PHEX: variants seen among roughly 807,000 people sequenced by gnomAD.
PHEX encodes phosphate-regulating neutral endopeptidase PHEX.
Under a neutral mutation model 68.0 loss-of-function variants are expected in PHEX, and 16 were observed. That is an observed-to-expected ratio of 0.24 (90% CI 0.16 to 0.36). The LOEUF (loss-of-function observed/expected upper bound fraction) is 0.36. Ranked by LOEUF, PHEX falls within the 10% of genes least tolerant of loss-of-function variation. The probability of loss-of-function intolerance (pLI) is 1.00; values close to 1 mark genes in which losing one functional copy is unlikely to be tolerated. For synonymous variants in PHEX, 208 were observed against 205.1 expected (o/e 1.01, Z -0.12); for missense variants, 480 against 575.5 (o/e 0.83, Z 1.70).
At chrX:22,198,279 A>T (rs72620288) in intron 15 of PHEX, among the ~76,000 whole-genome samples, 3 of 68,839 alleles carry the variant, frequency 4.4e-5, no homozygotes, top group East Asian at 4.8e-4. Context: ...TATATATATA[A>T]AATGCTTGGT....
At chrX:22,237,298 G>A (rs1396432975) in intron 20 of PHEX, among the ~76,000 whole-genome samples, 3 of 111,850 alleles carry the variant, frequency 2.7e-5, no homozygotes, top group Non-Finnish European at 5.6e-5. Context: ...GAAATCAAGG[G>A]ATCGCATTAC....
intron 14 of PHEX, among the ~76,000 whole-genome samples, chrX:22,187,807 T>C (rs1934076692): frequency 8.9e-6 from 1 of 111,750 alleles, no homozygotes; most frequent in Non-Finnish European, 1.9e-5. Context: ...TATGTCTAGG[T>C]TTCGGTTTTG....
At chrX:22,084,539 G>GTT (rs76410908) in intron 5 of PHEX, among the ~76,000 whole-genome samples, 4 of 75,815 alleles carry the variant, frequency 5.3e-5, no homozygotes, top group East Asian at 4.2e-4. Context: ...CTTCTCTTCA[G>GTT]TTTTTTTTTT....
chrX:22,121,995 T>G (rs1175298839), intron 11 of PHEX, among the ~76,000 whole-genome samples: 1 of 111,936 alleles, frequency 8.9e-6, no homozygotes, highest in Non-Finnish European at 1.9e-5. Context: ...GTTCACCTCA[T>G]TAGTGAGCTA....
At position 22,098,417 on chromosome X, in the gene PHEX, A is replaced by G. The variant is rs370162563; in HGVS notation, c.934-589A>G. ...GAGGGGGCCAAGGGAGTGAGGGTGC[A>G]TATTACTGTGTTAGTGTGTGTGTGG... On this transcript the variant is annotated intron_variant, in intron 8 of 21. Coordinates refer to ENST00000379374, the MANE Select transcript of PHEX (RefSeq NM_000444.6). Among the ~76,000 whole-genome samples the G allele has an allele frequency of 2.8e-5, 3 of 107,907 alleles. No individual in the cohort carries two copies. In the East Asian group the frequency reaches 8.8e-4, roughly 32 times the overall value. 93.7% of individuals were successfully genotyped at this position (107,907 alleles called of 115,157 possible).
chrX:22,236,558 G>GA (rs1484851744), intron 20 of PHEX, among the ~76,000 whole-genome samples: 1 of 113,065 alleles, frequency 8.8e-6, no homozygotes, highest in East Asian at 2.8e-4. Flanking sequence ...CTAGAGTTGG[G>GA]ATTGGCAAAC....
chrX:22,135,012 T>A (rs1932171206), intron 12 of PHEX, among the ~76,000 whole-genome samples: 1 of 112,259 alleles, frequency 8.9e-6, no homozygotes, highest in South Asian at 3.7e-4. Context: ...GCAAGGATAT[T>A]TTCTAGTGCT....
chrX:22,050,547 G>T (rs1308465153), intron 3 of PHEX, among the ~76,000 whole-genome samples: 1 of 102,667 alleles, frequency 9.7e-6, no homozygotes, highest in Non-Finnish European at 2.0e-5. Flanking sequence ...CTCCAGTCTG[G>T]GCGACAGAGT....
At chrX:22,097,840 T>A (rs1191900790) in intron 8 of PHEX, 2 of 259,280 alleles carry the variant, frequency 7.7e-6, no homozygotes, top group Non-Finnish European at 1.1e-5. Flanking sequence ...TGATCTTGGC[T>A]CATTGCAACC....
chrX:22,063,213 A>G (rs1928453215), intron 3 of PHEX, among the ~76,000 whole-genome samples: 1 of 112,404 alleles, frequency 8.9e-6, no homozygotes, highest in African/African-American at 3.2e-5. Flanking sequence ...ATGCTTTGCT[A>G]GTTGACATTA....
At position 22,072,160 on chromosome X, in the gene PHEX, G is replaced by A. The variant is rs149689228; in HGVS notation, c.350-4228G>A. ...GGAGAATCGCTTGAACCTGGGAGGCGGAGGTTGCAGTGAGCTGAGATCCTG... is the reference window on the plus strand; with the variant it reads ...GGAGAATCGCTTGAACCTGGGAGGCAGAGGTTGCAGTGAGCTGAGATCCTG... On this transcript the variant is annotated intron_variant, in intron 3 of 21. Coordinates refer to ENST00000379374, the MANE Select transcript of PHEX (RefSeq NM_000444.6). Among the ~76,000 whole-genome samples, 450 of 112,621 alleles carry A rather than the reference G, an allele frequency of 4.0e-3. 1 individual carries two copies. The highest frequency in any genetic ancestry group is 0.013 in the African/African-American group (415 of 31,037).
At chrX:22,057,887 T>C (rs1928187133) in intron 3 of PHEX, among the ~76,000 whole-genome samples, 1 of 111,466 alleles carries the variant, frequency 9.0e-6, no homozygotes, top group African/African-American at 3.3e-5. Flanking sequence ...CTGAGTGCAG[T>C]TGTGGGGGCA....
intron 3 of PHEX, among the ~76,000 whole-genome samples, chrX:22,061,424 C>CA (rs771975656): frequency 1.8e-5 from 2 of 111,389 alleles, no homozygotes; most frequent in Non-Finnish European, 3.8e-5. Context: ...TACAATGTGA[C>CA]AAAATCCCCA....
At chrX:22,156,970 C>T (rs1156925492) in intron 12 of PHEX, among the ~76,000 whole-genome samples, 1 of 110,935 alleles carries the variant, frequency 9.0e-6, no homozygotes, top group Non-Finnish European at 1.9e-5. Context: ...GCAACCTCTG[C>T]CTCCCAAGTT....
At chrX:22,219,829 G>T (rs1935214172) in intron 17 of PHEX, among the ~76,000 whole-genome samples, 1 of 111,146 alleles carries the variant, frequency 9.0e-6, no homozygotes, top group South Asian at 3.9e-4. Context: ...ACATTAGCCA[G>T]GATGGTCTCG....
intron 9 of PHEX, among the ~76,000 whole-genome samples, chrX:22,110,309 A>G (rs1039200544): frequency 3.6e-5 from 4 of 112,375 alleles, no homozygotes; most frequent in Non-Finnish European, 7.5e-5. Flanking sequence ...ATAAAGACCA[A>G]AACACTTCTA....
chrX:22,090,386 A>G, intron 5 of PHEX, 43 bp from the exon 6 acceptor site: 1 of 1,070,060 alleles, frequency 9.3e-7, no homozygotes, highest in Non-Finnish European at 1.3e-6. Context: ...GTACGTAAGA[A>G]TTTACAGTGC....
In PHEX at chrX:22,077,681, A is replaced by G; in HGVS notation, c.642A>G (p.Ala214=). 1 of 1,202,091 alleles carries G rather than the reference A, an allele frequency of 8.3e-7. No individual in the cohort carries two copies. Among genetic ancestry groups the G allele is most frequent in the Non-Finnish European group, 1.1e-6 (1 of 886,540 alleles). ...TGTATGTGTCCCCTGATGACAAAGC[A>G]TCCAATGAACATATCTTGAAGGTAT... is the stretch of plus-strand genomic sequence containing the variant. ...IRLYVSPDDK[A]SNEHILKLDQ... Residue 214 remains alanine, a synonymous_variant, in exon 5 of 22, where the codon GCA becomes GCG. Coordinates refer to ENST00000379374, the MANE Select transcript of PHEX (RefSeq NM_000444.6).
chrX:22,131,955 C>T (rs1489590392), intron 11 of PHEX, among the ~76,000 whole-genome samples: 1 of 111,813 alleles, frequency 8.9e-6, no homozygotes, highest in Non-Finnish European at 1.9e-5. Flanking sequence ...TCCTCCAGTC[C>T]TCTCTTCTGG....
Sources: gnomAD v4.1 joint callset for allele counts (sites outside exome capture counted in the v4.1 genomes callset) on GRCh38, gnomAD v4.1.1 for gene constraint, MANE v1.5 for transcripts, NCBI Gene and HGNC (gene_info 2026-07-23, HGNC 2026-07-21) for gene names.